The following THSD1 variants were observed in gnomAD, a reference collection of about 807,000 sequenced individuals.
THSD1 encodes thrombospondin type 1 domain containing 1, also known as thrombospondin type-1 domain-containing protein 1.
In THSD1, 34 loss-of-function variants were observed where a neutral mutation model predicts 46.3. The ratio of observed to expected loss-of-function variants is 0.74; its 90% CI spans 0.56 to 0.98. The LOEUF (loss-of-function observed/expected upper bound fraction) is 0.98. Among genes scored for constraint, THSD1 ranks in the 50% least tolerant of loss-of-function variants. THSD1 has a pLI of 0.00. For missense variants in THSD1, 1,023 were observed against 1,058.3 expected (o/e 0.97, Z 0.46); for synonymous variants, 407 against 416.5 (o/e 0.98, Z 0.28).
chr13:52,384,319 TA>T (rs1957714519), intron 4 of THSD1: 1 of 451,232 alleles, frequency 2.2e-6, no homozygotes, highest in Non-Finnish European at 4.5e-6. Flanking sequence ...AAAGGCAAGG[TA>T]TTCAAGATCG....
intron 4 of THSD1, among the ~76,000 whole-genome samples, chr13:52,384,787 C>A (rs1268031102): frequency 6.6e-6 from 1 of 151,932 alleles, no homozygotes; most frequent in Non-Finnish European, 1.5e-5. Context: ...AAGGAAGGTG[C>A]TGTGGAAAGT....
chr13:52,394,935 C>A (rs572797279), intron 3 of THSD1, among the ~76,000 whole-genome samples: 227 of 152,178 alleles, frequency 1.5e-3, no homozygotes, highest in Middle Eastern at 3.4e-3. Context: ...AAGATGCTGC[C>A]CCAGCTTCCA....
intron 3 of THSD1, among the ~76,000 whole-genome samples, chr13:52,386,687 A>G (rs995271163): frequency 2.0e-5 from 3 of 152,178 alleles, no homozygotes; most frequent in African/African-American, 7.2e-5. Flanking sequence ...GGGCAGATGC[A>G]AGACCAGACA....
intron 2 of THSD1, among the ~76,000 whole-genome samples, chr13:52,400,523 G>A (rs532482966): frequency 8.5e-5 from 13 of 152,096 alleles, no homozygotes; most frequent in Admixed American, 2.0e-4. Context: ...GCTGGAACCC[G>A]GGAAGTGGAG....
Position 52,398,075 on chromosome 13 carries a change from A to G in THSD1, c.178T>C (p.Ser60Pro), listed in dbSNP as rs768281731. 1 of 1,614,214 alleles carries G rather than the reference A, an allele frequency of 6.2e-7. No homozygotes were observed. Among genetic ancestry groups the G allele is most frequent in the South Asian group, 1.1e-5 (1 of 91,084 alleles). The change falls in exon 3 of 5, where the codon TCT (serine) becomes CCT (proline). Residue 60 changes from serine to proline, a missense_variant. Ser to Pro is a moderately conservative substitution (Grantham distance 74). Coordinates refer to ENST00000258613, the MANE Select transcript of THSD1 (RefSeq NM_018676.4). ...DGANGTLRNV[S>P]VLLLEANTNQ... ...GTGTTGGCCTCCAACAGCAGGACAG[A>G]TACATTCCTCAGTGTCCCATTAGCA...
chr13:52,402,781 G>A (rs2137751154), intron 1 of THSD1, 100 bp from the exon 2 acceptor site: 1 of 1,389,244 alleles, frequency 7.2e-7, no homozygotes, highest in African/African-American at 1.5e-5. Context: ...AACTTTCTAA[G>A]TGATATTGAA....
At position 52,378,229 on chromosome 13, in the gene THSD1, C is replaced by G. The variant is rs1310424193; in HGVS notation, c.1741G>C (p.Ala581Pro). 1 of 1,614,220 alleles carries G rather than the reference C, an allele frequency of 6.2e-7. No individual in the cohort carries two copies. The highest frequency in any genetic ancestry group is 2.2e-5 in the East Asian group (1 of 44,878). Residue 581 changes from alanine to proline, a missense_variant, in exon 5 of 5, where the codon GCA becomes CCA. By Grantham distance (27) the Ala-to-Pro change is conservative. Around this residue, in one of 3 missense-constraint regions of THSD1, gnomAD observed 578 missense variants for 497.4 expected, o/e 1.16. Transcript: ENST00000258613. ...PLDLESPEEA[A>P]ANKFRIKSPF... is the part of the protein sequence containing the mutation. ...GATTTGATCCGGAACTTGTTTGCTG[C>G]AGCTTCTTCCGGGCTTTCCAAATCT... is the stretch of plus-strand genomic sequence containing the variant.
At chr13:52,399,664 C>T (rs1436384494) in intron 2 of THSD1, among the ~76,000 whole-genome samples, 1 of 152,166 alleles carries the variant, frequency 6.6e-6, no homozygotes, top group Non-Finnish European at 1.5e-5. Context: ...GACTTGAATG[C>T]TTGATTATCA....
At chr13:52,385,386 C>G (rs559224841) in intron 4 of THSD1, among the ~76,000 whole-genome samples, 1 of 152,340 alleles carries the variant, frequency 6.6e-6, no homozygotes, top group East Asian at 1.9e-4. Flanking sequence ...GCAAACCTAA[C>G]TGAGCCGTGT....
chr13:52,379,880 C>T (rs1265451231), intron 4 of THSD1, among the ~76,000 whole-genome samples: 2 of 152,114 alleles, frequency 1.3e-5, no homozygotes, highest in Non-Finnish European at 2.9e-5. Context: ...ATGTGAAATG[C>T]AAAATGATTT....
Position 52,377,695 on chromosome 13 carries a change from C to G in THSD1, c.2275G>C (p.Ala759Pro). The change falls in exon 5 of 5, where the codon GCT becomes CCT. Residue 759 changes from alanine to proline, a missense_variant. This residue lies in a region of THSD1 where 578 missense variants were observed against 497.4 expected (regional missense o/e 1.16). Coordinates refer to ENST00000258613, the MANE Select transcript of THSD1 (RefSeq NM_018676.4). Reference sequence around the variant, plus strand: ...TGACTGGGGGACGGTCCCCGACGAGCTCTGTGGGGCTCTGTTCTCTCAATT... The same window carrying G: ...TGACTGGGGGACGGTCCCCGACGAGGTCTGTGGGGCTCTGTTCTCTCAATT... ...AGIERTEPHR[A>P]RRGPSPSHKS... The G allele has an allele frequency of 1.2e-6, 2 of 1,610,594 alleles. No homozygotes were observed. Among genetic ancestry groups the G allele is most frequent in the Non-Finnish European group, 1.7e-6 (2 of 1,177,434 alleles).
chr13:52,379,632 C>T (rs9536044), intron 4 of THSD1, among the ~76,000 whole-genome samples: 3 of 151,992 alleles, frequency 2.0e-5, no homozygotes, highest in African/African-American at 4.8e-5. Context: ...ATGCCACCAC[C>T]CCTGGCTCAT....
At position 52,377,297 on chromosome 13, in the gene THSD1, CTCT is replaced by C. The variant is rs1957640081; in HGVS notation, c.*111_*113del. ...AACACATGCATACACACACATCCTC[CTCT>C]GTGTGTTACTTCCTCCTCACATTCT... On this transcript the variant is annotated 3_prime_UTR_variant, in exon 5 of 5. Coordinates refer to ENST00000258613, the MANE Select transcript of THSD1 (RefSeq NM_018676.4). 2.1e-6 allele frequency: 3 copies of C among 1,396,820 alleles called. No homozygotes were observed. In the African/African-American group the frequency reaches 4.3e-5, roughly 20 times the overall value. The allele number at this position is 1,396,820 out of a possible 1,614,324, so 86.5% of individuals were successfully genotyped here.
chr13:52,396,945 C>G (rs896211645), intron 3 of THSD1, among the ~76,000 whole-genome samples: 17 of 152,172 alleles, frequency 1.1e-4, no homozygotes, highest in African/African-American at 4.1e-4. Context: ...AAATGCCAGG[C>G]ACTATCCTGA....
In THSD1 at chr13:52,377,932, C is replaced by A. The variant is rs1340148546; in HGVS notation, c.2038G>T (p.Ala680Ser). ...MSTLTPRQAPAYSSRTRTCEQ... is the reference protein window; with the variant it reads ...MSTLTPRQAPSYSSRTRTCEQ... ...CAGGTCCGCGTCCTAGAGCTGTAGG[C>A]AGGGGCCTGCCGTGGAGTCAGAGTG... is the stretch of plus-strand genomic sequence containing the variant. The change falls in exon 5 of 5, where the codon GCC becomes TCC. Residue 680 changes from alanine (A) to serine (S), a missense_variant. This residue lies in a region of THSD1 where 578 missense variants were observed against 497.4 expected (regional missense o/e 1.16). Transcript: ENST00000258613. 1.2e-6 allele frequency: 2 copies of A among 1,614,064 alleles called. No homozygotes were observed. Among genetic ancestry groups the A allele is most frequent in the Admixed American group, 1.7e-5 (1 of 60,024 alleles).
At chr13:52,394,102 C>T (rs1730477263) in intron 3 of THSD1, among the ~76,000 whole-genome samples, 1 of 152,172 alleles carries the variant, frequency 6.6e-6, no homozygotes, top group Admixed American at 6.5e-5. Context: ...TGCCCTTTTC[C>T]AGCGTCTTCC....
chr13:52,377,550 G>A lies in THSD1; in HGVS notation c.2420C>T (p.Pro807Leu). 1 of 1,602,492 alleles carries A rather than the reference G, an allele frequency of 6.2e-7. No individual in the cohort carries two copies. Among genetic ancestry groups the A allele is most frequent in the African/African-American group, 1.3e-5 (1 of 74,840 alleles). Residue 807 changes from proline to leucine, a missense_variant, in exon 5 of 5, where the codon CCT becomes CTT. Physicochemically the swap from Pro to Leu is moderately conservative, Grantham distance 98. Coordinates refer to ENST00000258613, the MANE Select transcript of THSD1 (RefSeq NM_018676.4). ...KDKCQSFPTH[P>L]EFAFYDNTSF... is the part of the protein sequence containing the mutation. ...CGTATTGTCATAGAAGGCAAACTCA[G>A]GGTGAGTGGGGAAGCTTTGACACTT...
chr13:52,400,366 G>T (rs1957846477), intron 2 of THSD1, among the ~76,000 whole-genome samples: 1 of 152,166 alleles, frequency 6.6e-6, no homozygotes, highest in South Asian at 2.1e-4. Context: ...GGGAGGCCGA[G>T]ATGGGTGGAT....
rs1284988939 is a variant in THSD1, at chr13:52,397,545, C to T, written c.708G>A (p.Leu236=). The change falls in exon 3 of 5, where the codon CTG becomes CTA. Residue 236 remains leucine, a synonymous_variant. Transcript: ENST00000258613. The part of the protein sequence containing the change: ...SVITSTGPID[L]AQKFGYKLVM... ...CCAGTTTGTATCCAAATTTCTGGGC[C>T]AGGTCAATGGGTCCTGTGGAGGTAA... The T allele has an allele frequency of 6.2e-7, 1 of 1,614,148 alleles. No individual in the cohort carries two copies. The highest frequency in any genetic ancestry group is 1.1e-5 in the South Asian group (1 of 91,088).
Sources: allele counts gnomAD v4.1 joint callset (sites outside exome capture counted in the v4.1 genomes callset), GRCh38; gene constraint gnomAD v4.1.1; regional missense constraint gnomAD v4.1.1; transcripts MANE v1.5; gene names NCBI Gene and HGNC (gene_info 2026-07-23, HGNC 2026-07-21).